Variants in ABCA6 observed in about 807,000 individuals in gnomAD.
ABCA6 encodes ATP binding cassette subfamily A member 6, also known as ATP-binding cassette sub-family A member 6.
ABCA6 carries 164 observed loss-of-function variants against 191.2 expected under a neutral mutation model. That is an observed-to-expected ratio of 0.86 (90% CI 0.76 to 0.98). The LOEUF (loss-of-function observed/expected upper bound fraction) is 0.98. Ranked by LOEUF, ABCA6 falls within the 50% of genes least tolerant of loss-of-function variation. The pLI, the probability that ABCA6 is intolerant of heterozygous loss-of-function variation, is 0.00. For missense variants in ABCA6, 1,958 were observed against 1,894.1 expected (o/e 1.03, Z -0.63); for synonymous variants, 636 against 647.7 (o/e 0.98, Z 0.27).
At chr17:69,119,625 G>A (rs1298758445) in intron 10 of ABCA6, among the ~76,000 whole-genome samples, 1 of 151,956 alleles carries the variant, frequency 6.6e-6, no homozygotes, top group African/African-American at 2.4e-5. Flanking sequence ...GACATCTTTT[G>A]GCATCCTCGG....
At chr17:69,129,964 C>T (rs746846021) in intron 6 of ABCA6, among the ~76,000 whole-genome samples, 1 of 152,056 alleles carries the variant, frequency 6.6e-6, no homozygotes, top group Non-Finnish European at 1.5e-5. Context: ...GTTACCTTTA[C>T]CATATATGCA....
chr17:69,112,143 T>C (rs2144670923), intron 16 of ABCA6, 40 bp downstream of exon 16: 1 of 1,444,926 alleles, frequency 6.9e-7, no homozygotes, highest in Middle Eastern at 1.8e-4. Flanking sequence ...TATACCAGTA[T>C]TGCAAACACA....
intron 8 of ABCA6, among the ~76,000 whole-genome samples, chr17:69,126,193 C>T (rs1395174833): frequency 6.6e-6 from 1 of 152,002 alleles, no homozygotes; most frequent in Non-Finnish European, 1.5e-5. Context: ...AGCAAGAATG[C>T]TGGATAGAAC....
Position 69,106,740 on chromosome 17 carries a change from G to T in ABCA6, c.2390-529C>A, listed in dbSNP as rs538627165. ...CTTTCTATAGTGAAGTTTTATAATT[G>T]CCAATGGTGATAAAAAATTAAAATT... On this transcript the variant is annotated intron_variant, in intron 18 of 38. Coordinates refer to ENST00000284425, the MANE Select transcript of ABCA6 (RefSeq NM_080284.3). 4.0e-5 allele frequency among the ~76,000 whole-genome samples: 6 copies of T among 151,408 alleles called. No individual in the cohort carries two copies. The South Asian group carries it at 1.3e-3, about 32-fold the overall frequency.
chr17:69,096,822 A>C (rs2073056398), intron 23 of ABCA6, 21 bp from the exon 24 acceptor site: 1 of 1,515,350 alleles, frequency 6.6e-7, no homozygotes, highest in Non-Finnish European at 8.8e-7. Context: ...AAAAAAAGAA[A>C]GAAAGAAATG....
chr17:69,112,260 G>A lies in ABCA6; in HGVS notation c.2055C>T (p.Ile685=). The A allele has an allele frequency of 6.2e-7, 1 of 1,611,396 alleles. No homozygotes were observed. The highest frequency in any genetic ancestry group is 8.5e-7 in the Non-Finnish European group (1 of 1,178,204). Residue 685 remains isoleucine, a synonymous_variant, in exon 16 of 39, where the codon ATC becomes ATT. Coordinates refer to ENST00000284425, the MANE Select transcript of ABCA6 (RefSeq NM_080284.3). ...CACACTTCAGTCTCCCATTGGACATGATCACTTTTCTATCTGAATGAAAGA... is the reference window on the plus strand; with the variant it reads ...CACACTTCAGTCTCCCATTGGACATAATCACTTTTCTATCTGAATGAAAGA... ...EADILADRKV[I]MSNGRLKCAG...
At position 69,123,352 on chromosome 17, in the gene ABCA6, G is replaced by T; in HGVS notation, c.1323C>A (p.Phe441Leu). The T allele has an allele frequency of 6.4e-7, 1 of 1,557,404 alleles. No homozygotes were observed. Among genetic ancestry groups the T allele is most frequent in the Non-Finnish European group, 8.7e-7 (1 of 1,145,122 alleles). ...PLFFLNSSSC[F>L]QHQRTNAKVI... ...CCTTAGCATTAGTCCTTTGGTGTTG[G>T]AAACAAGATGATGAATTCAAGAAAA... The change falls in exon 10 of 39, where the codon TTC (phenylalanine) becomes TTA (leucine). Residue 441 changes from phenylalanine (F) to leucine (L), a missense_variant. Phe to Leu is a conservative substitution (Grantham distance 22). Transcript: ENST00000284425.
At chr17:69,086,798 C>A in intron 29 of ABCA6, 63 bp from the exon 30 acceptor site, 1 of 1,069,302 alleles carries the variant, frequency 9.4e-7, no homozygotes, top group Non-Finnish European at 1.4e-6. Context: ...TCTGCTGGAA[C>A]CTTTCATGCC....
chr17:69,113,505 C>T, intron 14 of ABCA6, 113 bp downstream of exon 14: 1 of 1,550,396 alleles, frequency 6.4e-7, no homozygotes, highest in Non-Finnish European at 8.8e-7. Flanking sequence ...TTAAACATAG[C>T]AGGTTCTCTC....
intron 8 of ABCA6, among the ~76,000 whole-genome samples, chr17:69,127,298 G>A (rs2073772078): frequency 6.6e-6 from 1 of 151,974 alleles, no homozygotes; most frequent in Admixed American, 6.6e-5. Context: ...TTGAAAAATT[G>A]GACCTTATCA....
Position 69,123,284 on chromosome 17 carries a change from T to C in ABCA6, c.1391A>G (p.Tyr464Cys). Residue 464 changes from tyrosine to cysteine, a missense_variant, in exon 10 of 39, where the codon TAT becomes TGT. Physicochemically the swap from Tyr to Cys is radical, Grantham distance 194. Transcript: ENST00000284425. ...GAATTCAGGAGCTACTGGTTCAAAA[T>C]AATCATCAGAGGGATGCTCAGCATC... ...EIDAEHPSDDYFEPVAPEFQG... is the reference protein window; with the variant it reads ...EIDAEHPSDDCFEPVAPEFQG... 6.5e-7 allele frequency: 1 copy of C among 1,533,026 alleles called. No individual in the cohort carries two copies. Among genetic ancestry groups the C allele is most frequent in the African/African-American group, 1.4e-5 (1 of 73,238 alleles). The allele number at this position is 1,533,026 out of a possible 1,614,324, so 95.0% of individuals were successfully genotyped here. A position where few individuals can be genotyped will look rare whatever the true frequency, so the allele number is the denominator to read the frequency against.
chr17:69,082,431 T>C lies in ABCA6; in HGVS notation c.4616+442A>G, dbSNP rs1346620021. Among the ~76,000 whole-genome samples the C allele has an allele frequency of 3.9e-5, 6 of 151,910 alleles. No individual in the cohort carries two copies. In the South Asian group the frequency reaches 6.2e-4, roughly 16 times the overall value. On this transcript the variant is annotated intron_variant, in intron 36 of 38. Coordinates refer to ENST00000284425, the MANE Select transcript of ABCA6 (RefSeq NM_080284.3). Reference sequence around the variant, plus strand: ...CACTCTCTATTTTAAGGTATGAAAATTCCATTAAAGAAAGACTCTTTGATT... The same window carrying C: ...CACTCTCTATTTTAAGGTATGAAAACTCCATTAAAGAAAGACTCTTTGATT...
chr17:69,130,833 C>T (rs958514060), intron 6 of ABCA6, among the ~76,000 whole-genome samples: 2 of 152,138 alleles, frequency 1.3e-5, no homozygotes, highest in Admixed American at 6.6e-5. Context: ...CAGTCTCTTT[C>T]GTAGTAGAAA....
chr17:69,112,093 C>A (rs919929424), intron 16 of ABCA6, 90 bp downstream of exon 16: 1 of 948,026 alleles, frequency 1.1e-6, no homozygotes, highest in Non-Finnish European at 1.7e-6. Flanking sequence ...AGAGATGAAG[C>A]ACGAGGCCAG....
chr17:69,090,653 T>C (rs1399780870), intron 26 of ABCA6, among the ~76,000 whole-genome samples: 1 of 152,220 alleles, frequency 6.6e-6, no homozygotes, highest in Non-Finnish European at 1.5e-5. Flanking sequence ...AGGACTGTGC[T>C]ATCTTGCTCA....
At position 69,089,515 on chromosome 17, in the gene ABCA6, G is replaced by T; in HGVS notation, c.3556C>A (p.Pro1186Thr). Residue 1186 changes from proline to threonine, a missense_variant, in exon 27 of 39, where the codon CCA (proline) becomes ACA (threonine). Transcript: ENST00000284425. Reference sequence around the variant, plus strand: ...GCACTCAATTCAAAATTTGCCTCTGGAAATTCTCTGTAGTGCTCCTGGTCT... The same window carrying T: ...GCACTCAATTCAAAATTTGCCTCTGTAAATTCTCTGTAGTGCTCCTGGTCT... ...VRDQEHYREF[P>T]EANFELSATD... The T allele has an allele frequency of 6.2e-7, 1 of 1,613,440 alleles. No homozygotes were observed. Among genetic ancestry groups the T allele is most frequent in the East Asian group, 2.2e-5 (1 of 44,832 alleles).
At chr17:69,128,581 T>C (rs1435351831) in intron 8 of ABCA6, 38 bp downstream of exon 8, 2 of 1,535,388 alleles carry the variant, frequency 1.3e-6, no homozygotes, top group Non-Finnish European at 1.8e-6. Context: ...CTACTTCTTT[T>C]GAAATTTCAG....
Position 69,137,416 on chromosome 17 carries a change from G to A in ABCA6, c.181C>T (p.Pro61Ser), listed in dbSNP as rs1341440645. 1 of 1,613,738 alleles carries A rather than the reference G, an allele frequency of 6.2e-7. No individual in the cohort carries two copies. The highest frequency in any genetic ancestry group is 1.1e-5 in the South Asian group (1 of 91,080). Residue 61 changes from proline to serine, a missense_variant, in exon 3 of 39, where the codon CCT (proline) becomes TCT (serine). By Grantham distance (74) the Pro-to-Ser change is moderately conservative. Coordinates refer to ENST00000284425, the MANE Select transcript of ABCA6 (RefSeq NM_080284.3). ...MRNVQFPGMA[P>S]QNLGRVDKFN... is the part of the protein sequence containing the mutation. ...TTATCTACCCTTCCCAGATTCTGAG[G>A]AGCCATTCCAGGAAACTGGACATTT...
chr17:69,096,856 A>T, intron 23 of ABCA6, 55 bp from the exon 24 acceptor site: 1 of 1,372,414 alleles, frequency 7.3e-7, no homozygotes, highest in Non-Finnish European at 9.7e-7. Context: ...TTAAAATGCA[A>T]ATCTAAAATA....
Sources: gnomAD v4.1 joint callset for allele counts (sites outside exome capture counted in the v4.1 genomes callset) on GRCh38, gnomAD v4.1.1 for gene constraint, MANE v1.5 for transcripts, NCBI Gene and HGNC (gene_info 2026-07-23, HGNC 2026-07-21) for gene names.